The following CDH13 variants were observed in gnomAD, a reference collection of about 807,000 sequenced individuals.
The protein encoded by CDH13 is cadherin-13.
A neutral mutation model predicts 63.8 loss-of-function variants in CDH13; 24 were observed. That is an observed-to-expected ratio of 0.38 (90% CI 0.27 to 0.53). The LOEUF (loss-of-function observed/expected upper bound fraction) is 0.53. CDH13 is among the 20% of genes least tolerant of loss of function. The pLI is 0.85. For missense variants in CDH13, 1,049 were observed against 903.1 expected, an observed-to-expected ratio of 1.16 and a Z score of -2.07; for synonymous variants, 503 against 355.3, an observed-to-expected ratio of 1.42 and a Z score of -4.67.
chr16:82,688,142 A>AG (rs756964738), intron 1 of CDH13, among the ~76,000 whole-genome samples: 54 of 152,298 alleles, frequency 3.5e-4, no homozygotes, highest in Non-Finnish European at 6.2e-4. Context: ...AAGTAACCAC[A>AG]GGGTAGTTGC....
At chr16:82,705,935 C>T (rs558265941) in intron 1 of CDH13, among the ~76,000 whole-genome samples, 11 of 152,242 alleles carry the variant, frequency 7.2e-5, no homozygotes, top group Admixed American at 2.0e-4. Flanking sequence ...TGTTTTCCTT[C>T]GTGAGATGCA....
At chr16:82,857,301 G>A (rs376605975) in intron 1 of CDH13, among the ~76,000 whole-genome samples, 1 of 152,198 alleles carries the variant, frequency 6.6e-6, no homozygotes, top group South Asian at 2.1e-4. Flanking sequence ...GGTGAGTTTA[G>A]CACATTAATG....
chr16:83,445,846 G>A (rs892788161), intron 6 of CDH13, among the ~76,000 whole-genome samples: 1 of 150,216 alleles, frequency 6.7e-6, no homozygotes, highest in Non-Finnish European at 1.5e-5. Flanking sequence ...TAGGTACTTG[G>A]GGAGATACTG....
chr16:83,670,858 C>G lies in CDH13; in HGVS notation c.1170C>G (p.Asp390Glu). The G allele has an allele frequency of 6.2e-7, 1 of 1,613,840 alleles. No homozygotes were observed. The highest frequency in any genetic ancestry group is 8.5e-7 in the Non-Finnish European group (1 of 1,179,788). ...ATTTGACAGTTGAAGATAAGGATGACCCCACCACAGGTGCATGGAGGGCTG... is the reference window on the plus strand; with the variant it reads ...ATTTGACAGTTGAAGATAAGGATGAGCCCACCACAGGTGCATGGAGGGCTG... ...IVNLTVEDKD[D>E]PTTGAWRAAY... The change falls in exon 9 of 14, where the codon GAC becomes GAG. Residue 390 changes from aspartate to glutamate, a missense_variant. By Grantham distance (45) the Asp-to-Glu change is conservative. Transcript: ENST00000567109.
chr16:83,318,432 A>G (rs2090151093), intron 5 of CDH13, among the ~76,000 whole-genome samples: 1 of 152,228 alleles, frequency 6.6e-6, no homozygotes, highest in Admixed American at 6.5e-5. Flanking sequence ...TTCTTCTAAA[A>G]GCAATGAACC....
chr16:83,617,805 ATTCTG>A (rs1196564143), intron 8 of CDH13, among the ~76,000 whole-genome samples: 1 of 151,908 alleles, frequency 6.6e-6, no homozygotes, highest in African/African-American at 2.4e-5. Context: ...ATATGCATGT[ATTCTG>A]TTCTAATATA....
intron 3 of CDH13, among the ~76,000 whole-genome samples, chr16:83,048,421 A>C (rs1917994660): frequency 6.6e-6 from 1 of 152,182 alleles, no homozygotes; most frequent in African/African-American, 2.4e-5. Flanking sequence ...GACCTGTGCC[A>C]ACTCCCTCTC....
chr16:83,757,419 C>T (rs1358069613), intron 11 of CDH13, among the ~76,000 whole-genome samples: 3 of 151,602 alleles, frequency 2.0e-5, no homozygotes, highest in East Asian at 2.0e-4. Context: ...CTCTACCAAA[C>T]GTACAAAGAT....
chr16:83,603,297 C>T (rs1471377554), intron 8 of CDH13, among the ~76,000 whole-genome samples: 1 of 152,170 alleles, frequency 6.6e-6, no homozygotes, highest in East Asian at 1.9e-4. Flanking sequence ...GATTTGATGC[C>T]CTTCTTACTG....
At chr16:83,608,294 G>T (rs967478848) in intron 8 of CDH13, among the ~76,000 whole-genome samples, 1 of 152,154 alleles carries the variant, frequency 6.6e-6, no homozygotes, top group Non-Finnish European at 1.5e-5. Flanking sequence ...AAATGCTCCA[G>T]TTTTCACAAA....
intron 2 of CDH13, among the ~76,000 whole-genome samples, chr16:82,987,230 G>A (rs1275035990): frequency 6.6e-6 from 1 of 152,106 alleles, no homozygotes; most frequent in Non-Finnish European, 1.5e-5. Context: ...TCCAGTTACT[G>A]CTGTATCCCT....
At chr16:83,682,622 A>G (rs1915499938) in intron 10 of CDH13, among the ~76,000 whole-genome samples, 1 of 151,946 alleles carries the variant, frequency 6.6e-6, no homozygotes. Context: ...GAACACGGTC[A>G]CTTCCTTAAC....
intron 5 of CDH13, among the ~76,000 whole-genome samples, chr16:83,237,509 A>G (rs1904275462): frequency 1.3e-5 from 2 of 152,256 alleles, no homozygotes; most frequent in South Asian, 4.1e-4. Context: ...CGTGGTGACT[A>G]TTGAGCATTT....
chr16:83,191,524 CACACACAT>C (rs1490078665), intron 4 of CDH13, among the ~76,000 whole-genome samples: 17 of 100,528 alleles, frequency 1.7e-4, no homozygotes, highest in Non-Finnish European at 2.9e-4. Flanking sequence ...CACACACACA[CACACACAT>C]ATATATATAT....
At chr16:82,931,629 T>C (rs1597238628) in intron 2 of CDH13, among the ~76,000 whole-genome samples, 1 of 152,076 alleles carries the variant, frequency 6.6e-6, no homozygotes, top group Admixed American at 6.6e-5. Flanking sequence ...AAAAGAAGTT[T>C]AATGGACTCA....
intron 7 of CDH13, among the ~76,000 whole-genome samples, chr16:83,499,478 A>T (rs2151583051): frequency 1.3e-5 from 2 of 152,346 alleles, no homozygotes; most frequent in Admixed American, 1.3e-4. Flanking sequence ...TGCTAGAGAA[A>T]CATCATTAGC....
chr16:83,193,136 C>T (rs1241704717), intron 4 of CDH13, among the ~76,000 whole-genome samples: 8 of 151,036 alleles, frequency 5.3e-5, no homozygotes, highest in Admixed American at 4.0e-4. Flanking sequence ...CATCAACATC[C>T]AGGGAAATGC....
intron 5 of CDH13, among the ~76,000 whole-genome samples, chr16:83,332,820 T>C (rs1278888108): frequency 6.6e-6 from 1 of 152,192 alleles, no homozygotes; most frequent in Non-Finnish European, 1.5e-5. Flanking sequence ...TAAAGTTACT[T>C]CAAAAGTTAA....
chr16:83,346,704 T>C (rs1181180538), intron 6 of CDH13, among the ~76,000 whole-genome samples: 1 of 152,240 alleles, frequency 6.6e-6, no homozygotes, highest in Non-Finnish European at 1.5e-5. Flanking sequence ...TTGATACATG[T>C]ATATACATGT....
Sources: allele counts gnomAD v4.1 joint callset (sites outside exome capture counted in the v4.1 genomes callset), GRCh38; gene constraint gnomAD v4.1.1; transcripts MANE v1.5; gene names NCBI Gene and HGNC (gene_info 2026-07-23, HGNC 2026-07-21).